The following PHTF2 variants were observed in gnomAD, a reference collection of about 807,000 sequenced individuals.
PHTF2 encodes the protein putative homeodomain transcription factor 2, also known as protein PHTF2.
A neutral mutation model predicts 101.2 loss-of-function variants in PHTF2; 60 were observed. That is an observed-to-expected ratio of 0.59 (90% confidence interval 0.48 to 0.73). The LOEUF is 0.73. Ranked by LOEUF, PHTF2 falls within the 30% of genes least tolerant of loss-of-function variation. The pLI, the probability that PHTF2 is intolerant of heterozygous loss-of-function variation, is 0.00. For missense variants in PHTF2, 747 were observed against 908.7 expected, an observed-to-expected ratio of 0.82 and a Z score of 2.29; for synonymous variants, 311 against 307.3, an observed-to-expected ratio of 1.01 and a Z score of -0.13.
In PHTF2 at chr7:77,923,911, T is replaced by C. The variant is rs934243803; in HGVS notation, c.1119+1133T>C. 8 of 966,608 alleles carry C rather than the reference T, an allele frequency of 8.3e-6. No homozygotes were observed. The African/African-American group carries it at 1.1e-4, about 13-fold the overall frequency. The allele number at this position is 966,608 out of a possible 1,614,324, so 59.9% of individuals were successfully genotyped here. On this transcript the variant is annotated intron_variant, in intron 11 of 19. Coordinates refer to ENST00000416283, the Ensembl canonical transcript of PHTF2. ...AGAACATTATTCTACCTATTAACTT[T>C]TAAATTAAAAGGTTGTTTAAAATCT...
At chr7:77,824,699 A>T (rs1429587417) in intron 1 of PHTF2, among the ~76,000 whole-genome samples, 1 of 152,138 alleles carries the variant, frequency 6.6e-6, no homozygotes, top group Non-Finnish European at 1.5e-5. Context: ...TAACTTTTTA[A>T]TTGAGTCAGT....
chr7:77,940,747 T>A (rs549806962), intron 15 of PHTF2, 88 bp downstream of exon 14: 1 of 921,058 alleles, frequency 1.1e-6, no homozygotes, highest in Non-Finnish European at 1.6e-6. Context: ...TGTCTCTAGA[T>A]GTATAGTAAC....
At chr7:77,942,048 G>C (rs1313768561) in intron 15 of PHTF2, among the ~76,000 whole-genome samples, 1 of 152,132 alleles carries the variant, frequency 6.6e-6, no homozygotes, top group Non-Finnish European at 1.5e-5. Flanking sequence ...TACATGAGCT[G>C]TGATCTGTCC....
intron 5 of PHTF2, among the ~76,000 whole-genome samples, chr7:77,896,781 ACT>A (rs777001785): frequency 6.6e-5 from 10 of 152,114 alleles, no homozygotes; most frequent in Admixed American, 1.3e-4. Context: ...AGAAAAAAAC[ACT>A]CTACCTGTTG....
At chr7:77,802,420 A>G (rs1792632609) in intron 1 of PHTF2, among the ~76,000 whole-genome samples, 1 of 152,212 alleles carries the variant, frequency 6.6e-6, no homozygotes, top group African/African-American at 2.4e-5. Context: ...TTCCAAAATG[A>G]TGGTTGCCAT....
In PHTF2 at chr7:77,949,708, T is replaced by A. The variant is rs117514950; in HGVS notation, c.1990T>A (p.Cys664Ser). Residue 664 changes from cysteine (C) to serine (S), a missense_variant, in exon 17 of 20, where the codon TGT becomes AGT. Physicochemically the swap from Cys to Ser is moderately radical, Grantham distance 112. Around this residue, in one of 6 missense-constraint regions of PHTF2, gnomAD observed 188 missense variants for 286.5 expected, o/e 0.66. Coordinates refer to ENST00000416283, the Ensembl canonical transcript of PHTF2. ...TCATGTACACGAGATCTTCCTTGATTGTCACTACAATTGGGAATTGGTAAT... is the reference window on the plus strand; with the variant it reads ...TCATGTACACGAGATCTTCCTTGATAGTCACTACAATTGGGAATTGGTAAT... The A allele has an allele frequency of 5.1e-6, 8 of 1,576,862 alleles. No homozygotes were observed. The East Asian group carries it at 1.6e-4, about 31-fold the overall frequency.
At chr7:77,879,632 A>AT (rs1433657187) in intron 3 of PHTF2, among the ~76,000 whole-genome samples, 2 of 151,634 alleles carry the variant, frequency 1.3e-5, no homozygotes, top group Admixed American at 6.6e-5. Context: ...TCTTTAACTC[A>AT]TTTTTTTTCC....
intron 2 of PHTF2, among the ~76,000 whole-genome samples, chr7:77,852,121 G>T (rs1225151921): frequency 6.6e-6 from 1 of 152,074 alleles, no homozygotes; most frequent in Admixed American, 6.6e-5. Context: ...GAATTCCTGG[G>T]CTCAAGCAAT....
At chr7:77,910,178 G>A in intron 8 of PHTF2, 67 bp from the exon 8 acceptor site, 1 of 1,352,858 alleles carries the variant, frequency 7.4e-7, no homozygotes, top group Non-Finnish European at 1.0e-6. Context: ...AATTTTGATT[G>A]TACTACTGAG....
At chr7:77,954,646 A>ATATATATATG (rs567176874) in intron 19 of PHTF2, among the ~76,000 whole-genome samples, 5 of 142,938 alleles carry the variant, frequency 3.5e-5, no homozygotes, top group African/African-American at 1.0e-4. Flanking sequence ...ATATATATAT[A>ATATATATATG]GCCACTTCTC....
chr7:77,890,664 G>T (rs1800314248), intron 3 of PHTF2, among the ~76,000 whole-genome samples: 1 of 137,224 alleles, frequency 7.3e-6, no homozygotes, highest in Non-Finnish European at 1.5e-5. Context: ...GGAGTGCAGT[G>T]GCGCAATCTC....
intron 1 of PHTF2, among the ~76,000 whole-genome samples, chr7:77,834,468 G>A (rs1206863625): frequency 1.3e-5 from 2 of 152,060 alleles, no homozygotes; most frequent in Non-Finnish European, 2.9e-5. Flanking sequence ...AATGAGTGAG[G>A]CAGCTAGTCA....
At position 77,922,613 on chromosome 7, in the gene PHTF2, C is replaced by T; in HGVS notation, c.964-10C>T. 1 of 1,598,806 alleles carries T rather than the reference C, an allele frequency of 6.3e-7. No homozygotes were observed. The highest frequency in any genetic ancestry group is 1.1e-5 in the South Asian group (1 of 88,742). The stretch of plus-strand genomic sequence containing the variant: ...TTACCTATAATCCTCTTTGTGTACT[C>T]CCAACTTAGGATACCCAAAGGACAA... On this transcript the variant is annotated splice_polypyrimidine_tract_variant and intron_variant, in intron 10 of 19. Coordinates refer to ENST00000416283, the Ensembl canonical transcript of PHTF2.
At chr7:77,907,037 C>G (rs921942716) in intron 7 of PHTF2, among the ~76,000 whole-genome samples, 2 of 150,762 alleles carry the variant, frequency 1.3e-5, no homozygotes, top group African/African-American at 2.4e-5. Context: ...TCACCTAAAA[C>G]CTATTATAGT....
At chr7:77,938,440 G>A (rs1287122776) in intron 13 of PHTF2, among the ~76,000 whole-genome samples, 1 of 152,088 alleles carries the variant, frequency 6.6e-6, no homozygotes, top group Non-Finnish European at 1.5e-5. Flanking sequence ...TTTTTAAAAT[G>A]TGTTGATTGG....
chr7:77,810,261 C>T (rs1271353172), intron 1 of PHTF2, among the ~76,000 whole-genome samples: 1 of 151,602 alleles, frequency 6.6e-6, no homozygotes. Flanking sequence ...TTTTTATTTC[C>T]TAAATATAAG....
At chr7:77,917,213 G>T (rs1803009765) in intron 9 of PHTF2, among the ~76,000 whole-genome samples, 1 of 152,052 alleles carries the variant, frequency 6.6e-6, no homozygotes, top group Admixed American at 6.6e-5. Flanking sequence ...AATTAACCTT[G>T]CTATCCGACA....
At chr7:77,805,361 C>T (rs147582425) in intron 1 of PHTF2, among the ~76,000 whole-genome samples, 1,964 of 152,164 alleles carry the variant, frequency 0.013, 19 homozygotes, top group Non-Finnish European at 0.019. Flanking sequence ...TCTCAAAGAA[C>T]CAGTTTTTCG....
At chr7:77,890,782 T>G (rs1351341186) in intron 3 of PHTF2, among the ~76,000 whole-genome samples, 2 of 151,872 alleles carry the variant, frequency 1.3e-5, no homozygotes, top group Admixed American at 1.3e-4. Context: ...ATTTTTTGTA[T>G]TTTTAGTAGA....
Sources: gnomAD v4.1 joint callset for allele counts (sites outside exome capture counted in the v4.1 genomes callset) on GRCh38, gnomAD v4.1.1 for gene constraint, gnomAD v4.1.1 regional missense constraint, MANE v1.5 for transcripts, NCBI Gene and HGNC (gene_info 2026-07-23, HGNC 2026-07-21) for gene names.